Variants in GNPAT observed in about 807,000 individuals in gnomAD.
GNPAT encodes the protein glyceronephosphate O-acyltransferase, also known as dihydroxyacetone phosphate acyltransferase.
In GNPAT, 30 loss-of-function variants were observed where a neutral mutation model predicts 78.4. That is an observed-to-expected ratio of 0.38 (90% CI 0.29 to 0.52). The LOEUF (loss-of-function observed/expected upper bound fraction) is 0.52. GNPAT is among the 20% of genes least tolerant of loss of function. The probability of loss-of-function intolerance (pLI) is 0.84; values close to 1 mark genes in which losing one functional copy is unlikely to be tolerated. For synonymous variants in GNPAT, 271 were observed against 281.1 expected (o/e 0.96, Z 0.36); for missense variants, 714 against 812.2 (o/e 0.88, Z 1.47).
At chr1:231,256,041 T>G (rs987265722) in intron 2 of GNPAT, among the ~76,000 whole-genome samples, 6 of 152,188 alleles carry the variant, frequency 3.9e-5, no homozygotes, top group African/African-American at 1.4e-4. Context: ...AGGATTTTAT[T>G]CCAGCCTCTG....
chr1:231,244,667 A>G (rs770805783), intron 1 of GNPAT, among the ~76,000 whole-genome samples: 8 of 152,194 alleles, frequency 5.3e-5, no homozygotes, highest in Non-Finnish European at 1.0e-4. Context: ...GATACATTCC[A>G]TAGTGTTTGG....
chr1:231,254,971 T>C (rs571145205), intron 2 of GNPAT, among the ~76,000 whole-genome samples: 3 of 152,198 alleles, frequency 2.0e-5, no homozygotes, highest in East Asian at 1.9e-4. Context: ...CAGGCTGGTC[T>C]TGAACTCCTG....
intron 2 of GNPAT, among the ~76,000 whole-genome samples, chr1:231,259,587 C>T (rs938155331): frequency 2.8e-5 from 4 of 142,992 alleles, no homozygotes; most frequent in Admixed American, 1.5e-4. Flanking sequence ...GCAGAGGTTG[C>T]GGTGAGCCGA....
intron 5 of GNPAT, 45 bp downstream of exon 5, chr1:231,265,465 C>T (rs766000447): frequency 1.3e-6 from 2 of 1,500,232 alleles, no homozygotes; most frequent in Non-Finnish European, 1.9e-6. Context: ...ATATTTTCTT[C>T]ACTGATGTTT....
At chr1:231,267,580 C>T (rs1232671249) in intron 8 of GNPAT, 100 bp from the exon 9 acceptor site, 3 of 796,148 alleles carry the variant, frequency 3.8e-6, no homozygotes, top group South Asian at 1.4e-5. Flanking sequence ...TCAGTTGGCA[C>T]AAAGTATGAG....
intron 15 of GNPAT, 89 bp from the exon 16 acceptor site, chr1:231,277,410 C>T: frequency 2.4e-6 from 2 of 822,130 alleles, no homozygotes; most frequent in Non-Finnish European, 4.4e-6. Context: ...TCTCCAGCTT[C>T]TCCCCTGGAC....
chr1:231,274,035 C>T lies in GNPAT; in HGVS notation c.1716C>T (p.Leu572=), dbSNP rs1289091496. The part of the protein sequence containing the change: ...GNTVLEFLVG[L]FKPFVESYQI... ...CTGTGTTAGAATTTTTAGTAGGACT[C>T]TTTAAACCTTTTGTGGAAAGCTATC... Residue 572 remains leucine, a synonymous_variant, in exon 12 of 16, where the codon CTC becomes CTT. Coordinates refer to ENST00000366647, the MANE Select transcript of GNPAT (RefSeq NM_014236.4). 1 of 1,613,552 alleles carries T rather than the reference C, an allele frequency of 6.2e-7. No homozygotes were observed. The highest frequency in any genetic ancestry group is 1.7e-5 in the Admixed American group (1 of 60,032).
intron 1 of GNPAT, among the ~76,000 whole-genome samples, chr1:231,243,416 G>A (rs1457375153): frequency 1.3e-5 from 2 of 151,804 alleles, no homozygotes; most frequent in African/African-American, 2.4e-5. Flanking sequence ...CTCCATCTCC[G>A]GGGCTCAAGC....
chr1:231,264,455 A>T (rs953399341), intron 4 of GNPAT, among the ~76,000 whole-genome samples: 1 of 152,224 alleles, frequency 6.6e-6, no homozygotes. Context: ...GCTAAGGCAT[A>T]TAAGTTGTTT....
In GNPAT at chr1:231,266,280, T is replaced by C. The variant is rs775993368; in HGVS notation, c.928T>C (p.Leu310=). Residue 310 remains leucine, a synonymous_variant, in exon 8 of 16, where the codon TTG becomes CTG. Coordinates refer to ENST00000366647, the MANE Select transcript of GNPAT (RefSeq NM_014236.4). ...CCCCCTGTTATGGTACTATTAGGGGTTGCTGAAAGCCAGAAAGATTCTCTC... is the reference window on the plus strand; with the variant it reads ...CCCCCTGTTATGGTACTATTAGGGGCTGCTGAAAGCCAGAAAGATTCTCTC... The part of the protein sequence containing the change: ...VPKPKESTTG[L]LKARKILSEN... 1.2e-6 allele frequency: 2 copies of C among 1,614,164 alleles called. No homozygotes were observed. The highest frequency in any genetic ancestry group is 2.2e-5 in the South Asian group (2 of 91,088).
chr1:231,246,774 T>C (rs1386309080), intron 1 of GNPAT, among the ~76,000 whole-genome samples: 1 of 152,220 alleles, frequency 6.6e-6, no homozygotes, highest in Non-Finnish European at 1.5e-5. Flanking sequence ...TGAGCAGCAC[T>C]CACAGACCAA....
intron 3 of GNPAT, 82 bp from the exon 4 acceptor site, chr1:231,262,641 T>C (rs1310296206): frequency 2.7e-6 from 3 of 1,120,188 alleles, no homozygotes; most frequent in Non-Finnish European, 4.1e-6. Context: ...AAATATAGAC[T>C]TATTCTTCCG....
intron 2 of GNPAT, among the ~76,000 whole-genome samples, chr1:231,259,977 C>T (rs572437199): frequency 1.3e-5 from 2 of 152,348 alleles, no homozygotes; most frequent in Non-Finnish European, 2.9e-5. Context: ...GCTAGAGGGC[C>T]ATGTGAATAA....
intron 15 of GNPAT, 92 bp downstream of exon 15, chr1:231,276,288 T>C (rs1685713113): frequency 1.4e-6 from 1 of 722,280 alleles, no homozygotes; most frequent in Non-Finnish European, 2.5e-6. Flanking sequence ...TTTATCAAAA[T>C]GATCAGTAAG....
intron 1 of GNPAT, among the ~76,000 whole-genome samples, chr1:231,247,940 C>T (rs1348920338): frequency 3.3e-5 from 5 of 152,146 alleles, no homozygotes; most frequent in South Asian, 2.1e-4. Context: ...AACAGAACCA[C>T]GGAAGGATTG....
intron 1 of GNPAT, among the ~76,000 whole-genome samples, chr1:231,243,749 A>G (rs1684677496): frequency 6.6e-6 from 1 of 152,212 alleles, no homozygotes; most frequent in Non-Finnish European, 1.5e-5. Context: ...GAAAGGAGAC[A>G]TGAGAAACAA....
intron 2 of GNPAT, among the ~76,000 whole-genome samples, chr1:231,252,645 T>G (rs1164676631): frequency 6.6e-6 from 1 of 152,284 alleles, no homozygotes; most frequent in East Asian, 1.9e-4. Context: ...CCCTCATTTT[T>G]TTCCTGGTCA....
At chr1:231,274,813 A>C (rs1571959532) in intron 12 of GNPAT, 2 of 257,284 alleles carry the variant, frequency 7.8e-6, no homozygotes, top group East Asian at 2.1e-4. Flanking sequence ...TTCTACCCTT[A>C]ATCACTGTTC....
At chr1:231,274,167 G>A in intron 12 of GNPAT, 105 bp downstream of exon 12, 1 of 992,490 alleles carries the variant, frequency 1.0e-6, no homozygotes, top group Non-Finnish European at 1.6e-6. Flanking sequence ...ATCTTCCCCA[G>A]GCAAATGGAA....
Sources: allele counts gnomAD v4.1 joint callset (sites outside exome capture counted in the v4.1 genomes callset), GRCh38; gene constraint gnomAD v4.1.1; transcripts MANE v1.5; gene names NCBI Gene and HGNC (gene_info 2026-07-23, HGNC 2026-07-21).